TGM3: variants seen among roughly 807,000 people sequenced by gnomAD.
TGM3 encodes the protein protein-glutamine gamma-glutamyltransferase E.
Under a neutral mutation model 73.8 loss-of-function variants are expected in TGM3, and 52 were observed. The observed-to-expected ratio is 0.70, with a 90% confidence interval of 0.56 to 0.89. The LOEUF (loss-of-function observed/expected upper bound fraction) is 0.89. Ranked by LOEUF, TGM3 falls within the 40% of genes least tolerant of loss-of-function variation. The probability of loss-of-function intolerance (pLI) is 0.00; values close to 1 mark genes in which losing one functional copy is unlikely to be tolerated. For synonymous variants in TGM3, 372 were observed against 354.9 expected, an observed-to-expected ratio of 1.05 and a Z score of -0.54; for missense variants, 928 against 909.9, an observed-to-expected ratio of 1.02 and a Z score of -0.26.
chr20:2,335,351 G>A, intron 11 of TGM3, 78 bp downstream of exon 11: 2 of 1,561,998 alleles, frequency 1.3e-6, no homozygotes, highest in East Asian at 2.3e-5. Context: ...CTGTCCCTGT[G>A]AGCCACAGCT....
chr20:2,312,771 T>C, intron 4 of TGM3, 127 bp from the exon 5 acceptor site: 2 of 1,360,900 alleles, frequency 1.5e-6, no homozygotes, highest in East Asian at 2.3e-5. Context: ...TCAGTAGCTC[T>C]CAGTTCCAGA....
chr20:2,338,330 A>G (rs991364643), intron 11 of TGM3, among the ~76,000 whole-genome samples: 1 of 152,120 alleles, frequency 6.6e-6, no homozygotes, highest in African/African-American at 2.4e-5. Context: ...GGTCAATAGG[A>G]GAGAGTGGTA....
chr20:2,314,031 A>G (rs2084221002), intron 5 of TGM3, among the ~76,000 whole-genome samples: 1 of 152,018 alleles, frequency 6.6e-6, no homozygotes. Flanking sequence ...TTAGCAGGGC[A>G]TGGTAGCATG....
chr20:2,325,860 T>A lies in TGM3; in HGVS notation c.995T>A (p.Val332Asp). Residue 332 changes from valine to aspartate, a missense_variant, in exon 8 of 13, where the codon GTC becomes GAC. Physicochemically the swap from Val to Asp is radical, Grantham distance 152. Coordinates refer to ENST00000381458, the MANE Select transcript of TGM3 (RefSeq NM_003245.4). ...KGSDSVWNFH[V>D]WNEGWFVRSD... Reference sequence around the variant, plus strand: ...GGTTCTATCTGCAGGAATTTCCATGTCTGGAATGAAGGCTGGTTTGTGAGG... The same window carrying A: ...GGTTCTATCTGCAGGAATTTCCATGACTGGAATGAAGGCTGGTTTGTGAGG... 1.3e-6 allele frequency: 2 copies of A among 1,564,408 alleles called. No homozygotes were observed. Among genetic ancestry groups the A allele is most frequent in the South Asian group, 1.2e-5 (1 of 85,158 alleles).
chr20:2,303,522 T>C (rs1157896448), intron 1 of TGM3, among the ~76,000 whole-genome samples: 1 of 152,082 alleles, frequency 6.6e-6, no homozygotes, highest in East Asian at 1.9e-4. Flanking sequence ...AATTGTACAT[T>C]TTAAAATGGT....
At chr20:2,311,354 G>A (rs763088068) in intron 4 of TGM3, among the ~76,000 whole-genome samples, 1 of 152,168 alleles carries the variant, frequency 6.6e-6, no homozygotes, top group Non-Finnish European at 1.5e-5. Context: ...TGAGGGGGTT[G>A]CAATCTAGTG....
intron 1 of TGM3, among the ~76,000 whole-genome samples, chr20:2,308,861 G>A (rs1600693914): frequency 6.8e-6 from 1 of 146,230 alleles, no homozygotes; most frequent in African/African-American, 2.5e-5. Context: ...GGGTGAGAGA[G>A]GTATCCTCCC....
rs749918056 is a variant in TGM3, at chr20:2,313,062, T to C, written c.669+36T>C. 121 of 1,613,222 alleles carry C rather than the reference T, an allele frequency of 7.5e-5. No homozygotes were observed. The South Asian group carries it at 1.2e-3, about 16-fold the overall frequency. On this transcript the variant is annotated intron_variant, in intron 5 of 12. Coordinates refer to ENST00000381458, the MANE Select transcript of TGM3 (RefSeq NM_003245.4). Reference sequence around the variant, plus strand: ...GGAAAACGATCACAGCTAGTTGTCATCATATATTGAACACCACCTATGAGC... The same window carrying C: ...GGAAAACGATCACAGCTAGTTGTCACCATATATTGAACACCACCTATGAGC...
chr20:2,325,250 C>A (rs1490828069), intron 7 of TGM3, among the ~76,000 whole-genome samples: 1 of 152,166 alleles, frequency 6.6e-6, no homozygotes, highest in Non-Finnish European at 1.5e-5. Context: ...ACCTTGGCTA[C>A]CTGGCTGTGC....
At chr20:2,311,205 T>A in intron 4 of TGM3, 76 bp downstream of exon 4, 1 of 1,205,856 alleles carries the variant, frequency 8.3e-7, no homozygotes, top group Non-Finnish European at 1.2e-6. Context: ...CACAGATCAA[T>A]GGGAAGTCCC....
chr20:2,321,858 G>A (rs1417344557), intron 7 of TGM3, among the ~76,000 whole-genome samples: 1 of 152,198 alleles, frequency 6.6e-6, no homozygotes, highest in African/African-American at 2.4e-5. Flanking sequence ...GCTGGCTTTT[G>A]CATGAGGGAG....
At chr20:2,296,541 C>A (rs2122199245) in intron 1 of TGM3, among the ~76,000 whole-genome samples, 1 of 152,072 alleles carries the variant, frequency 6.6e-6, no homozygotes, top group Admixed American at 6.5e-5. Context: ...TTGAAAGAAA[C>A]CATTGTTTAT....
intron 7 of TGM3, among the ~76,000 whole-genome samples, chr20:2,319,926 G>C (rs2084254220): frequency 6.6e-6 from 1 of 152,186 alleles, no homozygotes; most frequent in South Asian, 2.1e-4. Flanking sequence ...ATAAGGGTTG[G>C]CCTAGGACTA....
At chr20:2,317,640 C>T (rs1568627189) in intron 7 of TGM3, among the ~76,000 whole-genome samples, 155 bp downstream of exon 7, 1 of 151,936 alleles carries the variant, frequency 6.6e-6, no homozygotes, top group Non-Finnish European at 1.5e-5. Flanking sequence ...ATGCTGATTA[C>T]ACACTTAGCA....
At chr20:2,319,243 G>A (rs903978970) in intron 7 of TGM3, among the ~76,000 whole-genome samples, 1 of 152,182 alleles carries the variant, frequency 6.6e-6, no homozygotes, top group Non-Finnish European at 1.5e-5. Flanking sequence ...ACAAGTTGGG[G>A]GTCCCCTCGG....
chr20:2,307,119 A>G (rs2084180240), intron 1 of TGM3, among the ~76,000 whole-genome samples: 1 of 152,006 alleles, frequency 6.6e-6, no homozygotes, highest in Non-Finnish European at 1.5e-5. Flanking sequence ...AAAACCTATT[A>G]ATTTATTCTT....
At chr20:2,327,340 G>A (rs1432228211) in intron 8 of TGM3, among the ~76,000 whole-genome samples, 1 of 152,052 alleles carries the variant, frequency 6.6e-6, no homozygotes, top group African/African-American at 2.4e-5. Context: ...GCCGGGCGTG[G>A]TGGCGGGCGC....
At chr20:2,309,550 C>A (rs2084191656) in intron 1 of TGM3, 107 bp from the exon 2 acceptor site, 1 of 1,148,656 alleles carries the variant, frequency 8.7e-7, no homozygotes, top group Non-Finnish European at 1.3e-6. Context: ...TTTGGCTCTG[C>A]CCTTGACAAG....
At position 2,328,088 on chromosome 20, in the gene TGM3, C is replaced by T. The variant is rs778943521; in HGVS notation, c.1088-32C>T. The stretch of plus-strand genomic sequence containing the variant: ...GGCACTGGGTAGGTTGTGGCCTTGG[C>T]ATATATCCAGCCTCTGCATCTTGGC... On this transcript the variant is annotated intron_variant, in intron 8 of 12. Coordinates refer to ENST00000381458, the MANE Select transcript of TGM3 (RefSeq NM_003245.4). The surrounding 1 kb of genome is among the most constrained non-coding windows in gnomAD (Gnocchi z 5.2). 138 of 1,613,400 alleles carry T rather than the reference C, an allele frequency of 8.6e-5. No individual in the cohort carries two copies. The highest frequency in any genetic ancestry group is 1.1e-4 in the Non-Finnish European group (133 of 1,179,630).
Sources: allele counts gnomAD v4.1 joint callset (sites outside exome capture counted in the v4.1 genomes callset), GRCh38; gene constraint gnomAD v4.1.1; non-coding constraint Gnocchi (gnomAD v3.1); transcripts MANE v1.5; gene names NCBI Gene and HGNC (gene_info 2026-07-23, HGNC 2026-07-21).